SLC26A8: variants seen among roughly 807,000 people sequenced by gnomAD.
SLC26A8 encodes the protein solute carrier family 26 member 8.
In SLC26A8, 70 loss-of-function variants were observed where a neutral mutation model predicts 105.0. The observed-to-expected ratio is 0.67, with a 90% CI of 0.55 to 0.81. The LOEUF is 0.81. SLC26A8 is among the 40% of genes least tolerant of loss of function. SLC26A8 has a pLI of 0.00. For missense variants in SLC26A8, 998 were observed against 1,181.8 expected (o/e 0.84, Z 2.28); for synonymous variants, 415 against 438.3 (o/e 0.95, Z 0.66).
Position 35,977,204 on chromosome 6 carries a change from C to T in SLC26A8, c.1173G>A (p.Gln391=), listed in dbSNP as rs746882248. The stretch of plus-strand genomic sequence containing the variant: ...TCAGAGGAAGTAGTAGTCCTCTCAC[C>T]TGGTTGGAATTGACACTGTAATTGT... ...SLHNYSVNSN[Q]DLIAIGLCNV... is the part of the protein sequence containing the mutation. Residue 391 remains glutamine, a splice_region_variant and synonymous_variant, in exon 9 of 20, where the codon CAG becomes CAA. Coordinates refer to ENST00000490799, the MANE Select transcript of SLC26A8 (RefSeq NM_052961.4). 2 of 1,612,826 alleles carry T rather than the reference C, an allele frequency of 1.2e-6. No homozygotes were observed. The highest frequency in any genetic ancestry group is 2.2e-5 in the South Asian group (2 of 90,852).
chr6:36,022,218 C>T (rs764321373), intron 1 of SLC26A8, among the ~76,000 whole-genome samples: 4 of 152,258 alleles, frequency 2.6e-5, no homozygotes, highest in Middle Eastern at 3.4e-3. Flanking sequence ...CCTCCCGCCT[C>T]GGCCTCCCAA....
chr6:35,960,797 C>T (rs748389279), intron 14 of SLC26A8, 46 bp downstream of exon 14: 1 of 1,576,456 alleles, frequency 6.3e-7, no homozygotes, highest in Non-Finnish European at 8.7e-7. Flanking sequence ...AGGTGGGGCC[C>T]ACTCTATCCC....
At position 36,012,359 on chromosome 6, in the gene SLC26A8, T is replaced by G. The variant is rs751524606; in HGVS notation, c.202A>C (p.Arg68=). 1 of 1,588,748 alleles carries G rather than the reference T, an allele frequency of 6.3e-7. No homozygotes were observed. Among genetic ancestry groups the G allele is most frequent in the South Asian group, 1.2e-5 (1 of 86,468 alleles). Residue 68 remains arginine, a synonymous_variant, in exon 3 of 20, where the codon AGG becomes CGG. Transcript: ENST00000490799. ...HHVQCRCSWH[R]FLRCVLTIFP... Reference sequence around the variant, plus strand: ...ATTGTAAGCACGCATCGTAGGAACCTGTGCCATGAGCAGCTGTGAGAGAGA... The same window carrying G: ...ATTGTAAGCACGCATCGTAGGAACCGGTGCCATGAGCAGCTGTGAGAGAGA...
intron 12 of SLC26A8, among the ~76,000 whole-genome samples, chr6:35,961,598 T>C (rs532868910): frequency 6.6e-6 from 1 of 152,336 alleles, no homozygotes; most frequent in East Asian, 1.9e-4. Context: ...TCAGTGTCTA[T>C]ACTCAATGTT....
At chr6:36,003,851 TG>T (rs1761601106) in intron 3 of SLC26A8, among the ~76,000 whole-genome samples, 1 of 151,618 alleles carries the variant, frequency 6.6e-6, no homozygotes, top group Non-Finnish European at 1.5e-5. Context: ...TTAGTAGAGA[TG>T]GGGTTTCACC....
intron 11 of SLC26A8, among the ~76,000 whole-genome samples, chr6:35,964,538 T>C (rs535684719): frequency 3.3e-5 from 5 of 151,994 alleles, no homozygotes; most frequent in African/African-American, 1.2e-4. Context: ...TCTCAGCCAC[T>C]CGGGAGGCTG....
chr6:35,946,505 G>C lies in SLC26A8; in HGVS notation c.2473-2165C>G, dbSNP rs1049343802. On this transcript the variant is annotated intron_variant, in intron 19 of 19. Coordinates refer to ENST00000490799, the MANE Select transcript of SLC26A8 (RefSeq NM_052961.4). ...ACCTGCCTCACCTCCCAAAGTGCTA[G>C]GATTACAGGCGTGAGGCCACACCTG... 2.0e-5 allele frequency among the ~76,000 whole-genome samples: 3 copies of C among 152,062 alleles called. No individual in the cohort carries two copies. In the South Asian group the frequency reaches 6.2e-4, roughly 32 times the overall value.
intron 19 of SLC26A8, among the ~76,000 whole-genome samples, chr6:35,946,594 C>A (rs866582087): frequency 2.8e-4 from 42 of 152,226 alleles, no homozygotes; most frequent in Middle Eastern, 3.4e-3. Context: ...TCTTCCCTGT[C>A]TTAAATAGTA....
intron 1 of SLC26A8, among the ~76,000 whole-genome samples, chr6:36,021,823 G>A (rs771733889): frequency 2.0e-4 from 30 of 151,774 alleles, no homozygotes; most frequent in East Asian, 1.5e-3. Flanking sequence ...TCGCTCTGTC[G>A]CCCAGGCTGG....
At chr6:35,980,274 G>C (rs1217926978) in intron 8 of SLC26A8, among the ~76,000 whole-genome samples, 1 of 152,052 alleles carries the variant, frequency 6.6e-6, no homozygotes, top group African/African-American at 2.4e-5. Context: ...TGCCCAGCCT[G>C]GCTGTGTGGT....
intron 7 of SLC26A8, among the ~76,000 whole-genome samples, chr6:35,987,696 G>C (rs910931091): frequency 1.3e-5 from 2 of 151,860 alleles, no homozygotes; most frequent in African/African-American, 4.8e-5. Flanking sequence ...TACTGCCCCT[G>C]TCATCATCAC....
At chr6:35,987,987 C>A (rs1255706068) in intron 7 of SLC26A8, among the ~76,000 whole-genome samples, 2 of 148,812 alleles carry the variant, frequency 1.3e-5, no homozygotes, top group South Asian at 4.2e-4. Context: ...TCTTGGCTCA[C>A]TGCGACCTCC....
At position 35,955,450 on chromosome 6, in the gene SLC26A8, G is replaced by A. The variant is rs778315210; in HGVS notation, c.1934C>T (p.Ser645Leu). ...EASSINLIHC[S>L]HFESMNTSQT... ...GCTTGTGTTCATGCTCTCAAAATGTGAGCAGTGAATCAGGTTAATGGAGGA... is the reference window on the plus strand; with the variant it reads ...GCTTGTGTTCATGCTCTCAAAATGTAAGCAGTGAATCAGGTTAATGGAGGA... The change falls in exon 17 of 20, where the codon TCA (serine) becomes TTA (leucine). Residue 645 changes from serine to leucine, a missense_variant. Ser to Leu is a moderately radical substitution (Grantham distance 145, BLOSUM62 -2). Coordinates refer to ENST00000490799, the MANE Select transcript of SLC26A8 (RefSeq NM_052961.4). 40 of 1,614,174 alleles carry A rather than the reference G, an allele frequency of 2.5e-5. No individual in the cohort carries two copies. The highest frequency in any genetic ancestry group is 3.3e-5 in the Non-Finnish European group (39 of 1,180,024).
In SLC26A8 at chr6:35,981,865, C is replaced by T. The variant is rs1347184550; in HGVS notation, c.1025+256G>A. On this transcript the variant is annotated intron_variant, in intron 8 of 19. Transcript: ENST00000490799. This position sits in a 1 kb window ranked among gnomAD's most constrained non-coding sequence, Gnocchi z 4.0. ...GTGCTATGAAAAAAAACATGAGATT[C>T]TCTGGTATTCAGTGCATATAACAGT... is the stretch of plus-strand genomic sequence containing the variant. Among the ~76,000 whole-genome samples the T allele has an allele frequency of 6.6e-6, 1 of 152,120 alleles. No individual in the cohort carries two copies. Among genetic ancestry groups the T allele is most frequent in the Non-Finnish European group, 1.5e-5 (1 of 68,034 alleles).
At chr6:35,974,065 C>G (rs1278502844) in intron 10 of SLC26A8, among the ~76,000 whole-genome samples, 1 of 152,198 alleles carries the variant, frequency 6.6e-6, no homozygotes, top group Admixed American at 6.5e-5. Flanking sequence ...TGCCTGTAAT[C>G]CCAGCACTTT....
At chr6:35,964,959 C>G (rs920609900) in intron 11 of SLC26A8, among the ~76,000 whole-genome samples, 3 of 129,370 alleles carry the variant, frequency 2.3e-5, no homozygotes, top group African/African-American at 1.0e-4. Flanking sequence ...AGAGTGAGAC[C>G]ATGTCTCAAA....
rs757072385 is a variant in SLC26A8 at position 35,944,146 on chromosome 6, C to T, written c.2667G>A (p.Lys889=). ...DRELEPEMEP[K]AETETKTQTE... ...TCTGGGTCTTGGTCTCGGTCTCAGC[C>T]TTGGGCTCCATTTCAGGCTCCAGCT... The change falls in exon 20 of 20, where the codon AAG becomes AAA. Residue 889 remains lysine, a synonymous_variant. Transcript: ENST00000490799. 1.2e-6 allele frequency: 2 copies of T among 1,613,980 alleles called. No individual in the cohort carries two copies. Among genetic ancestry groups the T allele is most frequent in the Admixed American group, 1.7e-5 (1 of 59,956 alleles).
intron 7 of SLC26A8, 106 bp from the exon 8 acceptor site, chr6:35,982,309 A>C (rs1164255826): frequency 5.7e-6 from 6 of 1,046,898 alleles, no homozygotes; most frequent in African/African-American, 4.7e-5. Context: ...ACAGAAAATG[A>C]AACAGGCAGC....
At chr6:35,972,797 T>C (rs1772847371) in intron 10 of SLC26A8, among the ~76,000 whole-genome samples, 2 of 152,342 alleles carry the variant, frequency 1.3e-5, no homozygotes, top group South Asian at 4.1e-4. Flanking sequence ...AAAATGGGCT[T>C]GCTCAGGGGT....
Sources: allele counts gnomAD v4.1 joint callset (sites outside exome capture counted in the v4.1 genomes callset), GRCh38; gene constraint gnomAD v4.1.1; non-coding constraint Gnocchi (gnomAD v3.1); transcripts MANE v1.5; gene names NCBI Gene and HGNC (gene_info 2026-07-23, HGNC 2026-07-21).